Variants in GXYLT1 observed in about 807,000 individuals in gnomAD.
GXYLT1 encodes glycosyltransferase 8 domain containing 3.
A neutral mutation model predicts 54.0 loss-of-function variants in GXYLT1; 29 were observed. That is an observed-to-expected ratio of 0.54 (90% CI 0.40 to 0.73). The LOEUF (loss-of-function observed/expected upper bound fraction) is 0.73, where lower values mean the gene tolerates loss of function less well. GXYLT1 is among the 30% of genes least tolerant of loss of function. The pLI, the probability that GXYLT1 is intolerant of heterozygous loss-of-function variation, is 0.00. For synonymous variants in GXYLT1, 176 were observed against 204.1 expected, an observed-to-expected ratio of 0.86 and a Z score of 1.17; for missense variants, 490 against 553.4, an observed-to-expected ratio of 0.89 and a Z score of 1.15.
chr12:42,082,667 A>C lies in GXYLT1; in HGVS notation c.*5119T>G, dbSNP rs1281243073. ...ATAATTTTTTAATTTTTTTGTAGAG[A>C]TGGGGTCTCACTTTGTCACCTAGGC... On this transcript the variant is annotated 3_prime_UTR_variant, in exon 8 of 8. Transcript: ENST00000398675. 6.6e-6 allele frequency: 1 copy of C among 152,058 alleles called. No homozygotes were observed. The highest frequency in any genetic ancestry group is 1.9e-4 in the East Asian group (1 of 5,184). The allele number at this position is 152,058 out of a possible 1,614,324, so 9.4% of individuals were successfully genotyped here.
intron 2 of GXYLT1, among the ~76,000 whole-genome samples, chr12:42,119,391 G>C (rs1257956820): frequency 6.6e-6 from 1 of 150,990 alleles, no homozygotes; most frequent in Non-Finnish European, 1.5e-5. Context: ...GGGCAACAGA[G>C]CCAGACCCTG....
At chr12:42,136,789 A>ACATACATACATACATACAT (rs869154887) in intron 1 of GXYLT1, among the ~76,000 whole-genome samples, 67 of 23,238 alleles carry the variant, frequency 2.9e-3, no homozygotes, top group African/African-American at 6.0e-3. Context: ...CATACATACA[A>ACATACATACATACATACAT]ACAAACACAC....
rs187826523 is a variant in GXYLT1, at chr12:42,093,918, C to T, written c.1161+3524G>A. Among the ~76,000 whole-genome samples, 3 of 152,148 alleles carry T rather than the reference C, an allele frequency of 2.0e-5. No individual in the cohort carries two copies. The East Asian group carries it at 5.8e-4, about 29-fold the overall frequency. On this transcript the variant is annotated intron_variant, in intron 7 of 7. Transcript: ENST00000398675. ...GAGTCAAATAGTATCTATTCCTCACCCAATACAAAAGAGTAAATAAATTCC... is the reference window on the plus strand; with the variant it reads ...GAGTCAAATAGTATCTATTCCTCACTCAATACAAAAGAGTAAATAAATTCC...
Position 42,109,809 on chromosome 12 carries a change from G to A in GXYLT1, c.487-118C>T, listed in dbSNP as rs11181326. ...ATTAAGATAATATACATTTTATGCT[G>A]TAAAATTAAAGGAAAGATTCTTCTG... On this transcript the variant is annotated intron_variant, in intron 3 of 7. Transcript: ENST00000398675. 1.8e-4 allele frequency: 106 copies of A among 593,390 alleles called. No homozygotes were observed. In the East Asian group the frequency reaches 3.1e-3, roughly 17 times the overall value. 36.8% of individuals were successfully genotyped at this position (593,390 alleles called of 1,614,324 possible).
chr12:42,102,640 A>G (rs2065396628), intron 5 of GXYLT1, among the ~76,000 whole-genome samples: 1 of 152,198 alleles, frequency 6.6e-6, no homozygotes, highest in Admixed American at 6.5e-5. Flanking sequence ...AAAAGGGCAG[A>G]GTAAACAAAG....
At chr12:42,135,145 A>C (rs2136919261) in intron 1 of GXYLT1, among the ~76,000 whole-genome samples, 1 of 152,354 alleles carries the variant, frequency 6.6e-6, no homozygotes, top group East Asian at 1.9e-4. Context: ...GTGGCATCAA[A>C]GTAGAAGCTT....
At chr12:42,104,950 T>C (rs577176734) in intron 5 of GXYLT1, among the ~76,000 whole-genome samples, 1 of 152,242 alleles carries the variant, frequency 6.6e-6, no homozygotes, top group Non-Finnish European at 1.5e-5. Flanking sequence ...TACTGCTTAC[T>C]TCCTGTCACG....
chr12:42,102,567 T>TGCCC (rs1316450408), intron 5 of GXYLT1, among the ~76,000 whole-genome samples: 4 of 152,188 alleles, frequency 2.6e-5, no homozygotes, highest in African/African-American at 7.2e-5. Context: ...AGACACATCC[T>TGCCC]GCCCTCAGTA....
intron 7 of GXYLT1, among the ~76,000 whole-genome samples, chr12:42,094,660 A>G (rs1009359344): frequency 7.1e-6 from 1 of 141,610 alleles, no homozygotes; most frequent in Non-Finnish European, 1.5e-5. Context: ...CCCAGCAGTG[A>G]AAAAAAAAAA....
intron 5 of GXYLT1, among the ~76,000 whole-genome samples, chr12:42,102,274 C>T (rs76156396): frequency 3.9e-5 from 6 of 152,354 alleles, no homozygotes; most frequent in African/African-American, 1.4e-4. Context: ...AGTTACTTCA[C>T]TTTAAAAAGT....
intron 2 of GXYLT1, among the ~76,000 whole-genome samples, chr12:42,123,776 A>G (rs139808369): frequency 6.6e-6 from 1 of 152,212 alleles, no homozygotes; most frequent in East Asian, 1.9e-4. Flanking sequence ...TAAATTTCAA[A>G]TAACCATCTA....
At chr12:42,132,223 T>C (rs2065597317) in intron 1 of GXYLT1, among the ~76,000 whole-genome samples, 1 of 152,176 alleles carries the variant, frequency 6.6e-6, no homozygotes, top group Admixed American at 6.5e-5. Flanking sequence ...ACCCAGTTAA[T>C]CAAGACTCCC....
chr12:42,114,618 T>A (rs975920476), intron 3 of GXYLT1, among the ~76,000 whole-genome samples: 1 of 152,180 alleles, frequency 6.6e-6, no homozygotes, highest in Non-Finnish European at 1.5e-5. Flanking sequence ...CAACAGGCTC[T>A]GAAATTGAGG....
At chr12:42,125,167 A>T (rs1362954853) in intron 2 of GXYLT1, among the ~76,000 whole-genome samples, 1 of 152,216 alleles carries the variant, frequency 6.6e-6, no homozygotes, top group East Asian at 1.9e-4. Context: ...GGGAGAAGGA[A>T]GGAAGCAAGC....
chr12:42,112,988 A>C (rs1299607606), intron 3 of GXYLT1, among the ~76,000 whole-genome samples: 1 of 151,250 alleles, frequency 6.6e-6, no homozygotes. Context: ...AACATTCTTA[A>C]AGAAAAGTAT....
chr12:42,134,857 C>G (rs1246591714), intron 1 of GXYLT1, among the ~76,000 whole-genome samples: 2 of 152,184 alleles, frequency 1.3e-5, no homozygotes, highest in African/African-American at 4.8e-5. Context: ...TATGCTTCCC[C>G]TTGTTGCCCA....
At chr12:42,133,651 C>T (rs187277649) in intron 1 of GXYLT1, among the ~76,000 whole-genome samples, 1 of 152,316 alleles carries the variant, frequency 6.6e-6, no homozygotes, top group East Asian at 1.9e-4. Flanking sequence ...TCACAGTCCT[C>T]GTCTCAGTAC....
At chr12:42,095,297 C>T (rs1198608937) in intron 7 of GXYLT1, among the ~76,000 whole-genome samples, 1 of 152,036 alleles carries the variant, frequency 6.6e-6, no homozygotes, top group Non-Finnish European at 1.5e-5. Context: ...TCCAACAATA[C>T]AAATATATAT....
chr12:42,095,328 C>T (rs1004528106), intron 7 of GXYLT1, among the ~76,000 whole-genome samples: 8 of 151,990 alleles, frequency 5.3e-5, no homozygotes, highest in Admixed American at 1.3e-4. Flanking sequence ...GCTAACTGTA[C>T]ATTGCTGCAT....
Sources: gnomAD v4.1 joint callset for allele counts (sites outside exome capture counted in the v4.1 genomes callset) on GRCh38, gnomAD v4.1.1 for gene constraint, MANE v1.5 for transcripts, NCBI Gene and HGNC (gene_info 2026-07-23, HGNC 2026-07-21) for gene names.